AP3S2: variants seen among roughly 807,000 people sequenced by gnomAD.
AP3S2 encodes AP-3 complex subunit sigma-2.
In AP3S2, 22 loss-of-function variants were observed where a neutral mutation model predicts 23.4. The observed-to-expected ratio is 0.94, with a 90% confidence interval of 0.67 to 1.34. The LOEUF is 1.34. AP3S2 is among the 40% of genes most tolerant of loss of function. The pLI is 0.00. For missense variants in AP3S2, 241 were observed against 236.9 expected (o/e 1.02, Z -0.11); for synonymous variants, 86 against 87.1 (o/e 0.99, Z 0.07).
chr15:89,889,336 G>C, intron 1 of AP3S2, 196 bp from the exon 2 acceptor site: 1 of 599,738 alleles, frequency 1.7e-6, no homozygotes, highest in Non-Finnish European at 2.9e-6. Flanking sequence ...TCTGATACAG[G>C]AATTAAGATA....
At chr15:89,857,671 C>T (rs1895873794) in intron 4 of AP3S2, among the ~76,000 whole-genome samples, 1 of 152,150 alleles carries the variant, frequency 6.6e-6, no homozygotes, top group African/African-American at 2.4e-5. Flanking sequence ...TAGAGCACTC[C>T]TCTATTTTTC....
At chr15:89,857,718 A>G (rs1363051994) in intron 4 of AP3S2, among the ~76,000 whole-genome samples, 2 of 152,206 alleles carry the variant, frequency 1.3e-5, no homozygotes, top group African/African-American at 4.8e-5. Flanking sequence ...CTACAAAGTG[A>G]TAATAAAAAT....
intron 4 of AP3S2, among the ~76,000 whole-genome samples, chr15:89,846,408 A>C (rs1895489886): frequency 1.3e-5 from 2 of 151,876 alleles, no homozygotes; most frequent in African/African-American, 4.8e-5. Flanking sequence ...CCCAGGATGG[A>C]ATACAGTGGC....
chr15:89,853,998 A>C (rs1207038008), intron 4 of AP3S2, among the ~76,000 whole-genome samples: 1 of 40,734 alleles, frequency 2.5e-5, no homozygotes. Context: ...CCCGGCAGCC[A>C]CCCCGTCCGG....
chr15:89,849,089 GC>G (rs2141848044), intron 4 of AP3S2: 1 of 152,200 alleles, frequency 6.6e-6, no homozygotes, highest in African/African-American at 2.4e-5. Context: ...ATGACTGTTG[GC>G]TGGATGTCTA....
chr15:89,841,444 A>G (rs1356584224), intron 4 of AP3S2, among the ~76,000 whole-genome samples: 1 of 152,220 alleles, frequency 6.6e-6, no homozygotes, highest in Non-Finnish European at 1.5e-5. Context: ...TGGTGATCTC[A>G]GAAAGATCTG....
intron 4 of AP3S2, among the ~76,000 whole-genome samples, chr15:89,849,836 A>G (rs570230128): frequency 6.6e-5 from 10 of 151,156 alleles, no homozygotes; most frequent in African/African-American, 1.7e-4. Flanking sequence ...CTAGCCCCCT[A>G]CCCCCGAGAG....
intron 4 of AP3S2, among the ~76,000 whole-genome samples, chr15:89,856,373 G>T (rs903561510): frequency 2.6e-5 from 4 of 151,868 alleles, no homozygotes; most frequent in Non-Finnish European, 4.4e-5. Flanking sequence ...GACCAGGTTG[G>T]CCAACATGGC....
At chr15:89,836,316 T>G (rs1157119367) in intron 5 of AP3S2, among the ~76,000 whole-genome samples, 1 of 152,152 alleles carries the variant, frequency 6.6e-6, no homozygotes, top group Non-Finnish European at 1.5e-5. Flanking sequence ...AGGTGATTTG[T>G]CAGGGGCACT....
intron 1 of AP3S2, 87 bp downstream of exon 1, chr15:89,893,794 C>G: frequency 7.5e-7 from 1 of 1,340,334 alleles, no homozygotes; most frequent in South Asian, 1.3e-5. Context: ...GACCAAAGAG[C>G]GGTGCCCCCG....
At position 89,882,407 on chromosome 15, in the gene AP3S2, G is replaced by A. The variant is rs1034696699; in HGVS notation, c.273+6114C>T. Among the ~76,000 whole-genome samples the A allele has an allele frequency of 6.8e-5, 10 of 147,882 alleles. No homozygotes were observed. The South Asian group carries it at 8.6e-4, about 13-fold the overall frequency. On this transcript the variant is annotated intron_variant, in intron 3 of 5. Transcript: ENST00000336418. ...AGACGGAGTTTCGCTCTTGTTGCCC[G>A]GGCCAGAGTACAATTTCAGCCCACC...
rs1405006939 is a variant in AP3S2 at position 89,863,291 on chromosome 15, G to A, written c.345+8184C>T. 2.0e-5 allele frequency among the ~76,000 whole-genome samples: 3 copies of A among 152,252 alleles called. No individual in the cohort carries two copies. The East Asian group carries it at 5.8e-4, about 29-fold the overall frequency. ...TAAAGACTGGGCGTAAATCACCCAC[G>A]AATTCAAGTTCACCTTGCATGAGAA... On this transcript the variant is annotated intron_variant, in intron 4 of 5. Coordinates refer to ENST00000336418, the MANE Select transcript of AP3S2 (RefSeq NM_005829.5).
At position 89,867,855 on chromosome 15, in the gene AP3S2, G is replaced by A. The variant is rs1282256097; in HGVS notation, c.345+3620C>T. Among the ~76,000 whole-genome samples, 6 of 129,526 alleles carry A rather than the reference G, an allele frequency of 4.6e-5. 1 individual carries two copies. Among genetic ancestry groups the A allele is most frequent in the Admixed American group, 1.5e-4 (2 of 13,286 alleles). The allele number at this position is 129,526 out of a possible 152,430, so 85.0% of individuals were successfully genotyped here. A position where few individuals can be genotyped will look rare whatever the true frequency, so the allele number is the denominator to read the frequency against. On this transcript the variant is annotated intron_variant, in intron 4 of 5. Coordinates refer to ENST00000336418, the MANE Select transcript of AP3S2 (RefSeq NM_005829.5). ...GAGAAGTGAGGAGCCTCTCCGCCCG[G>A]CAGCCACCCCATCTGGGAAGTGAGG...
In AP3S2 at chr15:89,837,595, G is replaced by A; in HGVS notation, c.453+20C>T. On this transcript the variant is annotated intron_variant, in intron 5 of 5. Transcript: ENST00000336418. Reference sequence around the variant, plus strand: ...GGTTTTCTCTACCCAGCCAGGGCTAGAGCACAGCTGCTTACTCACCTCGGA... The same window carrying A: ...GGTTTTCTCTACCCAGCCAGGGCTAAAGCACAGCTGCTTACTCACCTCGGA... 6.2e-7 allele frequency: 1 copy of A among 1,613,996 alleles called. No individual in the cohort carries two copies.
chr15:89,877,102 G>A (rs528814307), intron 3 of AP3S2: 2 of 287,496 alleles, frequency 7.0e-6, no homozygotes, highest in Middle Eastern at 8.4e-4. Flanking sequence ...GGAAATTAGT[G>A]GGTATTAAGA....
At chr15:89,888,484 T>G in intron 3 of AP3S2, 37 bp downstream of exon 3, 1 of 1,603,160 alleles carries the variant, frequency 6.2e-7, no homozygotes, top group Non-Finnish European at 8.5e-7. Context: ...GTGGAAACTC[T>G]CTAAAGCTGC....
In AP3S2 at chr15:89,873,564, C is replaced by T. The variant is rs550905111; in HGVS notation, c.274-2018G>A. Among the ~76,000 whole-genome samples, 465 of 152,294 alleles carry T rather than the reference C, an allele frequency of 3.1e-3. 2 individuals carry two copies. Among genetic ancestry groups the T allele is most frequent in the Non-Finnish European group, 5.4e-3 (370 of 68,026 alleles). ...CCTACCAAAGTGCTGGGGTTACAGA[C>T]GTGAGCCACTGTGCCCGGCCTCTGT... On this transcript the variant is annotated intron_variant, in intron 3 of 5. Transcript: ENST00000336418.
intron 4 of AP3S2, among the ~76,000 whole-genome samples, chr15:89,850,342 T>C (rs1895616358): frequency 6.6e-6 from 1 of 152,206 alleles, no homozygotes; most frequent in Non-Finnish European, 1.5e-5. Flanking sequence ...ATTGTTTCAG[T>C]GGGCAATGAA....
intron 4 of AP3S2, among the ~76,000 whole-genome samples, chr15:89,844,243 CTTTCTTTCTTTCTTTCTTTCTTTCTT>C (rs760514438): frequency 0.24 from 23,085 of 97,332 alleles, 2,327 homozygotes; most frequent in South Asian, 0.34. Flanking sequence ...TTCTTTCTTT[CTTTCTTTCTTTCTTTCTTTCTTTCTT>C]TCTCTCTCTC....
Sources: allele counts gnomAD v4.1 joint callset (sites outside exome capture counted in the v4.1 genomes callset), GRCh38; gene constraint gnomAD v4.1.1; transcripts MANE v1.5; gene names NCBI Gene and HGNC (gene_info 2026-07-23, HGNC 2026-07-21).